Variants in C1orf115 observed in about 807,000 individuals in gnomAD.
C1orf115 encodes chromosome 1 open reading frame 115.
C1orf115 carries 14 observed loss-of-function variants against 12.5 expected under a neutral mutation model. That is an observed-to-expected ratio of 1.12 (90% CI 0.74 to 1.75). The LOEUF (loss-of-function observed/expected upper bound fraction) is 1.75, where lower values mean the gene tolerates loss of function less well. C1orf115 is among the 40% of genes most tolerant of loss of function. The probability of loss-of-function intolerance (pLI) is 0.00; values close to 1 mark genes in which losing one functional copy is unlikely to be tolerated. For synonymous variants in C1orf115, 109 were observed against 104.6 expected (o/e 1.04, Z -0.26); for missense variants, 237 against 220.8 (o/e 1.07, Z -0.46).
chr1:220,694,686 C>G (rs1380589577), intron 1 of C1orf115, among the ~76,000 whole-genome samples: 1 of 152,158 alleles, frequency 6.6e-6, no homozygotes, highest in Non-Finnish European at 1.5e-5. Flanking sequence ...GTGCTTAGGG[C>G]TACAAGGGAG....
Position 220,690,571 on chromosome 1 carries a change from G to T in C1orf115, c.169G>T (p.Asp57Tyr), listed in dbSNP as rs988222523. The stretch of plus-strand genomic sequence containing the variant: ...GGCCGAGAGCGGGACGAGCGCGGCG[G>T]ACGAGCGGGGCCCGGGGACCCGGGG... ...AAAESGTSAADERGPGTRGAR... is the reference protein window; with the variant it reads ...AAAESGTSAAYERGPGTRGAR... Residue 57 changes from aspartate (D) to tyrosine (Y), a missense_variant, in exon 1 of 2, where the codon GAC (aspartate) becomes TAC (tyrosine). Asp to Tyr is a radical substitution (Grantham distance 160). Coordinates refer to ENST00000294889, the MANE Select transcript of C1orf115 (RefSeq NM_024709.5). 6.7e-7 allele frequency: 1 copy of T among 1,491,404 alleles called. No individual in the cohort carries two copies. Among genetic ancestry groups the T allele is most frequent in the Non-Finnish European group, 8.9e-7 (1 of 1,124,466 alleles). 92.4% of individuals were successfully genotyped at this position (1,491,404 alleles called of 1,614,324 possible).
rs1332079635 is a variant in C1orf115, at chr1:220,699,123, A to G, written c.*2392A>G. 3 of 151,602 alleles carry G rather than the reference A, an allele frequency of 2.0e-5. No individual in the cohort carries two copies. The highest frequency in any genetic ancestry group is 6.6e-5 in the Admixed American group (1 of 15,230). 9.4% of individuals were successfully genotyped at this position (151,602 alleles called of 1,614,324 possible). On this transcript the variant is annotated 3_prime_UTR_variant, in exon 2 of 2. Transcript: ENST00000294889. Reference sequence around the variant, plus strand: ...TTCTTTTGTATCCTTTTCTTGTCCTATGATGTAAATAAAAGCCTCGATTTA... The same window carrying G: ...TTCTTTTGTATCCTTTTCTTGTCCTGTGATGTAAATAAAAGCCTCGATTTA...
Position 220,690,532 on chromosome 1 carries a change from G to C in C1orf115, c.130G>C (p.Glu44Gln). The C allele has an allele frequency of 4.2e-6, 6 of 1,444,044 alleles. No homozygotes were observed. The highest frequency in any genetic ancestry group is 5.4e-6 in the Non-Finnish European group (6 of 1,105,258). The allele number at this position is 1,444,044 out of a possible 1,614,324, so 89.5% of individuals were successfully genotyped here. ...AILEHLEYAD[E>Q]AEAAAESGTS... ...CCTGGAGCACCTGGAGTACGCGGAC[G>C]AGGCGGAGGCGGCGGCCGAGAGCGG... is the stretch of plus-strand genomic sequence containing the variant. The change falls in exon 1 of 2, where the codon GAG becomes CAG. Residue 44 changes from glutamate to glutamine, a missense_variant. Coordinates refer to ENST00000294889, the MANE Select transcript of C1orf115 (RefSeq NM_024709.5).
rs944633437 is a variant in C1orf115 at position 220,694,603 on chromosome 1, G to T, written c.310-2009G>T. ...ATGTGGACAGATGTAATCTCTCTGT[G>T]CTTTGAATGATTGAAGTCTGATAGA... On this transcript the variant is annotated intron_variant, in intron 1 of 1. Coordinates refer to ENST00000294889, the MANE Select transcript of C1orf115 (RefSeq NM_024709.5). 3.3e-5 allele frequency among the ~76,000 whole-genome samples: 5 copies of T among 152,190 alleles called. No homozygotes were observed. In the South Asian group the frequency reaches 1.0e-3, roughly 32 times the overall value.
chr1:220,692,146 T>C (rs1180451634), intron 1 of C1orf115, among the ~76,000 whole-genome samples: 2 of 152,084 alleles, frequency 1.3e-5, no homozygotes, highest in African/African-American at 4.8e-5. Flanking sequence ...GAATAACAAA[T>C]GTTGGCGAGA....
At chr1:220,695,209 C>T (rs753388302) in intron 1 of C1orf115, among the ~76,000 whole-genome samples, 4 of 151,896 alleles carry the variant, frequency 2.6e-5, no homozygotes, top group African/African-American at 4.8e-5. Context: ...TGGCTTGGCA[C>T]GATGGAGGGC....
chr1:220,692,628 T>C (rs1476324052), intron 1 of C1orf115, among the ~76,000 whole-genome samples: 2 of 152,192 alleles, frequency 1.3e-5, no homozygotes, highest in Non-Finnish European at 2.9e-5. Flanking sequence ...AGATTGGTGG[T>C]TGCCAGGGAC....
intron 1 of C1orf115, among the ~76,000 whole-genome samples, chr1:220,691,192 C>A (rs985989548): frequency 6.6e-6 from 1 of 152,086 alleles, no homozygotes; most frequent in African/African-American, 2.4e-5. Context: ...AGGTTATTTC[C>A]CGAGCCTGGG....
chr1:220,692,541 C>T (rs778200453), intron 1 of C1orf115, among the ~76,000 whole-genome samples: 1 of 152,108 alleles, frequency 6.6e-6, no homozygotes, highest in Non-Finnish European at 1.5e-5. Context: ...AAACAAGACC[C>T]GCAAGATCAC....
intron 1 of C1orf115, among the ~76,000 whole-genome samples, chr1:220,691,405 C>T (rs980298667): frequency 2.0e-5 from 3 of 152,178 alleles, no homozygotes; most frequent in Non-Finnish European, 2.9e-5. Context: ...TGGAAACAGT[C>T]GAAGCTGCTG....
Position 220,690,387 on chromosome 1 carries a change from G to C in C1orf115, c.-16G>C, listed in dbSNP as rs1189395549. 2.2e-6 allele frequency: 3 copies of C among 1,393,352 alleles called. No homozygotes were observed. The highest frequency in any genetic ancestry group is 2.8e-6 in the Non-Finnish European group (3 of 1,080,920). 86.3% of individuals were successfully genotyped at this position (1,393,352 alleles called of 1,614,324 possible). Reference sequence around the variant, plus strand: ...TGTCTTTGCGCTCGGACCTTCGCCAGAGGGGCCGGGACATCATGACGGTGG... The same window carrying C: ...TGTCTTTGCGCTCGGACCTTCGCCACAGGGGCCGGGACATCATGACGGTGG... On this transcript the variant is annotated 5_prime_UTR_variant, in exon 1 of 2. Coordinates refer to ENST00000294889, the MANE Select transcript of C1orf115 (RefSeq NM_024709.5).
chr1:220,691,518 T>A (rs1054857888), intron 1 of C1orf115, among the ~76,000 whole-genome samples: 1 of 152,200 alleles, frequency 6.6e-6, no homozygotes, highest in Non-Finnish European at 1.5e-5. Context: ...ATTGTCTATT[T>A]ATCTGTGTTG....
intron 1 of C1orf115, among the ~76,000 whole-genome samples, chr1:220,693,805 G>T (rs1342103099): frequency 6.6e-6 from 1 of 152,136 alleles, no homozygotes; most frequent in Admixed American, 6.5e-5. Context: ...TCAGCTGGGT[G>T]TGGTGGCTCA....
chr1:220,690,532 G>T lies in C1orf115; in HGVS notation c.130G>T (p.Glu44Ter). 1.4e-6 allele frequency: 2 copies of T among 1,444,044 alleles called. No homozygotes were observed. The highest frequency in any genetic ancestry group is 1.8e-6 in the Non-Finnish European group (2 of 1,105,258). The allele number at this position is 1,444,044 out of a possible 1,614,324, so 89.5% of individuals were successfully genotyped here. A position where few individuals can be genotyped will look rare whatever the true frequency, so the allele number is the denominator to read the frequency against. ...CCTGGAGCACCTGGAGTACGCGGAC[G>T]AGGCGGAGGCGGCGGCCGAGAGCGG... ...AILEHLEYAD[E>*]AEAAAESGTS... Residue 44 changes from glutamate to a stop codon, truncating the protein, a stop_gained, in exon 1 of 2, where the codon GAG becomes TAG. Transcript: ENST00000294889. LOFTEE classifies it high-confidence loss of function.
chr1:220,694,256 A>G (rs943345131), intron 1 of C1orf115, among the ~76,000 whole-genome samples: 1 of 152,230 alleles, frequency 6.6e-6, no homozygotes, highest in Non-Finnish European at 1.5e-5. Context: ...AATAGCTGAC[A>G]TTGGGGGGCA....
Position 220,696,602 on chromosome 1 carries a change from C to T in C1orf115, c.310-10C>T. Reference sequence around the variant, plus strand: ...AATCCTTTGCTTTTCTCTTTTATTCCTAACACTAGAATGTCGGGAAGGTCA... The same window carrying T: ...AATCCTTTGCTTTTCTCTTTTATTCTTAACACTAGAATGTCGGGAAGGTCA... On this transcript the variant is annotated splice_polypyrimidine_tract_variant and intron_variant, in intron 1 of 1. Coordinates refer to ENST00000294889, the MANE Select transcript of C1orf115 (RefSeq NM_024709.5). The T allele has an allele frequency of 2.5e-6, 4 of 1,573,550 alleles. No homozygotes were observed. The highest frequency in any genetic ancestry group is 3.5e-6 in the Non-Finnish European group (4 of 1,148,074).
chr1:220,692,552 A>G (rs1670129164), intron 1 of C1orf115, among the ~76,000 whole-genome samples: 2 of 152,218 alleles, frequency 1.3e-5, no homozygotes, highest in Non-Finnish European at 1.5e-5. Context: ...GCAAGATCAC[A>G]TATTGTGCGT....
chr1:220,693,479 G>A (rs1451837498), intron 1 of C1orf115, among the ~76,000 whole-genome samples: 3 of 152,182 alleles, frequency 2.0e-5, no homozygotes, highest in Non-Finnish European at 2.9e-5. Flanking sequence ...TTTCAAACAT[G>A]TAAGTAAAAT....
At chr1:220,694,075 G>A (rs1005172448) in intron 1 of C1orf115, among the ~76,000 whole-genome samples, 5 of 98,542 alleles carry the variant, frequency 5.1e-5, no homozygotes, top group Non-Finnish European at 5.9e-5. Context: ...AGCAAAACGC[G>A]GTCTCAAAAA....
Sources: allele counts gnomAD v4.1 joint callset (sites outside exome capture counted in the v4.1 genomes callset), GRCh38; gene constraint gnomAD v4.1.1; transcripts MANE v1.5; gene names NCBI Gene and HGNC (gene_info 2026-07-23, HGNC 2026-07-21).